ADAM2: variants seen among roughly 807,000 people sequenced by gnomAD.
ADAM2 encodes disintegrin and metalloproteinase domain-containing protein 2.
In ADAM2, 101 loss-of-function variants were observed where a neutral mutation model predicts 99.3. The observed-to-expected ratio is 1.02, with a 90% CI of 0.87 to 1.20. The LOEUF is 1.20. ADAM2 is among the 50% of genes most tolerant of loss of function. ADAM2 has a pLI of 0.00. For missense variants in ADAM2, 948 were observed against 878.7 expected, an observed-to-expected ratio of 1.08 and a Z score of -1.00; for synonymous variants, 323 against 287.6, an observed-to-expected ratio of 1.12 and a Z score of -1.25.
At chr8:39,828,278 A>C (rs1159893386) in intron 3 of ADAM2, among the ~76,000 whole-genome samples, 1 of 151,834 alleles carries the variant, frequency 6.6e-6, no homozygotes, top group Non-Finnish European at 1.5e-5. Context: ...GTGTGAAAAA[A>C]AATAATGAAT....
At chr8:39,779,310 T>G (rs565990453) in intron 10 of ADAM2, among the ~76,000 whole-genome samples, 3 of 152,220 alleles carry the variant, frequency 2.0e-5, no homozygotes, top group African/African-American at 7.2e-5. Context: ...TTCCTCTATG[T>G]GCGCATGGAG....
intron 3 of ADAM2, among the ~76,000 whole-genome samples, chr8:39,827,505 A>T (rs555083618): frequency 3.9e-5 from 6 of 152,210 alleles, no homozygotes; most frequent in Admixed American, 6.5e-5. Context: ...GGACAAATGG[A>T]TAAAGAAAAT....
At chr8:39,776,975 T>C (rs770840959) in intron 11 of ADAM2, 50 bp downstream of exon 11, 11 of 1,162,578 alleles carry the variant, frequency 9.5e-6, no homozygotes, top group South Asian at 4.2e-5. Flanking sequence ...CTAAATACAT[T>C]AAAATTACAT....
Position 39,836,953 on chromosome 8 carries a change from C to A in ADAM2, c.132+183G>T, listed in dbSNP as rs554166858. On this transcript the variant is annotated intron_variant, in intron 2 of 20. Transcript: ENST00000265708. ...GCTTTGATAACCAGCATCACTGCACCATTATTTCTGTGAAACATTGTTGAT... is the reference window on the plus strand; with the variant it reads ...GCTTTGATAACCAGCATCACTGCACAATTATTTCTGTGAAACATTGTTGAT... Among the ~76,000 whole-genome samples, 3 of 152,288 alleles carry A rather than the reference C, an allele frequency of 2.0e-5. No homozygotes were observed. In the South Asian group the frequency reaches 6.2e-4, roughly 32 times the overall value.
intron 14 of ADAM2, among the ~76,000 whole-genome samples, chr8:39,764,206 G>A (rs763162886): frequency 1.3e-4 from 20 of 152,130 alleles, no homozygotes; most frequent in Non-Finnish European, 2.1e-4. Context: ...AGAAGTTTGA[G>A]ACCAACTTGG....
chr8:39,802,401 T>C (rs1163071167), intron 7 of ADAM2, among the ~76,000 whole-genome samples: 1 of 152,218 alleles, frequency 6.6e-6, no homozygotes, highest in Non-Finnish European at 1.5e-5. Context: ...AGACTCCGAA[T>C]GCTGCTGCTT....
chr8:39,809,984 TG>T (rs1192127455), intron 6 of ADAM2, among the ~76,000 whole-genome samples: 1 of 152,024 alleles, frequency 6.6e-6, no homozygotes, highest in Non-Finnish European at 1.5e-5. Context: ...AGACACAGAC[TG>T]GAAAAATTGG....
intron 3 of ADAM2, among the ~76,000 whole-genome samples, chr8:39,825,136 G>A (rs1586159322): frequency 1.3e-5 from 2 of 152,098 alleles, no homozygotes; most frequent in South Asian, 2.1e-4. Flanking sequence ...TGGACCTCAC[G>A]ATATTTGTAC....
At chr8:39,746,215 T>A (rs867721841) in intron 19 of ADAM2, among the ~76,000 whole-genome samples, 32 of 152,098 alleles carry the variant, frequency 2.1e-4, no homozygotes, top group Admixed American at 1.0e-3. Context: ...TTTGGAGAGA[T>A]GGGGTTTCAT....
chr8:39,761,877 C>A (rs1006297111), intron 14 of ADAM2, among the ~76,000 whole-genome samples: 1 of 152,060 alleles, frequency 6.6e-6, no homozygotes, highest in Non-Finnish European at 1.5e-5. Flanking sequence ...TTAAGGAGAT[C>A]GAGACCAGCC....
Position 39,769,419 on chromosome 8 carries a change from T to C in ADAM2, c.1185A>G (p.Gly395=), listed in dbSNP as rs1441561839. ...AVCGNAKLEA[G]EECDCGTEQD... is the part of the protein sequence containing the mutation. ...GTTCAGTCCCACAGTCACACTCCTC[T>C]CCTGCTTCCAGCTTTGCATTACCAC... The change falls in exon 12 of 21, where the codon GGA becomes GGG. Residue 395 remains glycine (G), a synonymous_variant. Coordinates refer to ENST00000265708, the MANE Select transcript of ADAM2 (RefSeq NM_001464.5). The C allele has an allele frequency of 2.5e-6, 4 of 1,614,000 alleles. No individual in the cohort carries two copies. Among genetic ancestry groups the C allele is most frequent in the Non-Finnish European group, 3.4e-6 (4 of 1,179,902 alleles).
intron 16 of ADAM2, among the ~76,000 whole-genome samples, chr8:39,751,955 C>A (rs142549934): frequency 2.6e-5 from 4 of 152,104 alleles, no homozygotes; most frequent in Admixed American, 2.6e-4. Flanking sequence ...GCCTCAGCCT[C>A]TCAAGTAACT....
At position 39,788,068 on chromosome 8, in the gene ADAM2, T is replaced by C. The variant is rs575542323; in HGVS notation, c.809+17A>G. 4.2e-6 allele frequency: 6 copies of C among 1,428,040 alleles called. No homozygotes were observed. In the Admixed American group the frequency reaches 7.7e-5, roughly 18 times the overall value. 88.5% of individuals were successfully genotyped at this position (1,428,040 alleles called of 1,614,324 possible). A position where few individuals can be genotyped will look rare whatever the true frequency, so the allele number is the denominator to read the frequency against. The stretch of plus-strand genomic sequence containing the variant: ...TTTTCTTCAGATAAACTTTATATAA[T>C]GTCAAGATATCCTTACACAAGTAAA... On this transcript the variant is annotated intron_variant, in intron 9 of 20. Coordinates refer to ENST00000265708, the MANE Select transcript of ADAM2 (RefSeq NM_001464.5).
intron 16 of ADAM2, among the ~76,000 whole-genome samples, chr8:39,754,974 G>A (rs1802089514): frequency 6.6e-6 from 1 of 152,146 alleles, no homozygotes; most frequent in Non-Finnish European, 1.5e-5. Context: ...AAAATTGATG[G>A]AAGGTTCATA....
At chr8:39,765,609 C>G (rs1802539958) in intron 14 of ADAM2, among the ~76,000 whole-genome samples, 1 of 152,042 alleles carries the variant, frequency 6.6e-6, no homozygotes, top group South Asian at 2.1e-4. Flanking sequence ...GTCTTTTGCT[C>G]CCTCTTCTTT....
intron 11 of ADAM2, among the ~76,000 whole-genome samples, chr8:39,772,101 G>A (rs1802806343): frequency 1.5e-5 from 2 of 134,102 alleles, no homozygotes; most frequent in Admixed American, 7.3e-5. Flanking sequence ...AGAGGGGAGA[G>A]AGAACGGTAA....
chr8:39,749,759 C>G lies in ADAM2; in HGVS notation c.1798-15G>C. 6.2e-7 allele frequency: 1 copy of G among 1,604,724 alleles called. No homozygotes were observed. The highest frequency in any genetic ancestry group is 8.5e-7 in the Non-Finnish European group (1 of 1,173,902). ...TTCCTGCAAACCTAAAAAGGATGAG[C>G]AAAAATAAGTTAATTGACATGCCAT... On this transcript the variant is annotated splice_polypyrimidine_tract_variant and intron_variant, in intron 16 of 20. Coordinates refer to ENST00000265708, the MANE Select transcript of ADAM2 (RefSeq NM_001464.5).
chr8:39,755,624 A>G (rs1189146679), intron 16 of ADAM2, 104 bp downstream of exon 16: 1 of 795,004 alleles, frequency 1.3e-6, no homozygotes, highest in African/African-American at 1.8e-5. Context: ...CAGTGAGCAG[A>G]GATCACACCA....
chr8:39,807,058 G>A (rs1433499582), intron 7 of ADAM2, among the ~76,000 whole-genome samples: 1 of 152,206 alleles, frequency 6.6e-6, no homozygotes, highest in Admixed American at 6.5e-5. Flanking sequence ...GCCTTTGCCT[G>A]TAGCCTTGCT....
Sources: allele counts gnomAD v4.1 joint callset (sites outside exome capture counted in the v4.1 genomes callset), GRCh38; gene constraint gnomAD v4.1.1; transcripts MANE v1.5; gene names NCBI Gene and HGNC (gene_info 2026-07-23, HGNC 2026-07-21).